The following VRK1 variants were observed in gnomAD, a reference collection of about 807,000 sequenced individuals.
VRK1 encodes the protein serine/threonine-protein kinase VRK1.
In VRK1, 33 loss-of-function variants were observed where a neutral mutation model predicts 57.1. That is an observed-to-expected ratio of 0.58 (90% CI 0.44 to 0.77). The LOEUF (loss-of-function observed/expected upper bound fraction) is 0.77. Among genes scored for constraint, VRK1 ranks in the 30% least tolerant of loss-of-function variants. VRK1 has a pLI of 0.00. For missense variants in VRK1, 413 were observed against 477.3 expected (o/e 0.87, Z 1.25); for synonymous variants, 137 against 147.8 (o/e 0.93, Z 0.53).
intron 5 of VRK1, among the ~76,000 whole-genome samples, chr14:96,847,752 G>A (rs1677195006): frequency 6.6e-6 from 1 of 152,140 alleles, no homozygotes; most frequent in Admixed American, 6.5e-5. Context: ...CAGAAATGTT[G>A]GATACATAAT....
chr14:96,839,591 G>A (rs541529804), intron 3 of VRK1, among the ~76,000 whole-genome samples: 16 of 152,254 alleles, frequency 1.1e-4, no homozygotes, highest in Middle Eastern at 3.4e-3. Context: ...CGTGCTTGTT[G>A]CCTAATGATT....
chr14:96,845,828 T>A (rs1048325696), intron 3 of VRK1, among the ~76,000 whole-genome samples: 2 of 152,220 alleles, frequency 1.3e-5, no homozygotes, highest in Non-Finnish European at 2.9e-5. Flanking sequence ...TAAACATTTT[T>A]CTTAAACTTC....
At chr14:96,877,791 T>C (rs944388461) in intron 12 of VRK1, 53 of 573,768 alleles carry the variant, frequency 9.2e-5, no homozygotes, top group Admixed American at 1.3e-4. Flanking sequence ...ACCTGAACTT[T>C]GCTTAATGAG....
At chr14:96,853,697 G>A (rs1566708457) in intron 7 of VRK1, among the ~76,000 whole-genome samples, 1 of 151,854 alleles carries the variant, frequency 6.6e-6, no homozygotes, top group East Asian at 1.9e-4. Context: ...TACTTTCTAA[G>A]GAAAGGAGAA....
intron 1 of VRK1, among the ~76,000 whole-genome samples, chr14:96,824,578 T>C (rs1886727132): frequency 6.6e-6 from 1 of 151,974 alleles, no homozygotes; most frequent in Admixed American, 6.6e-5. Context: ...TACAGACGAT[T>C]ATTGAAATGG....
chr14:96,872,245 A>G (rs1256078510), intron 11 of VRK1, among the ~76,000 whole-genome samples: 2 of 152,198 alleles, frequency 1.3e-5, no homozygotes, highest in African/African-American at 2.4e-5. Flanking sequence ...TAAAACATAT[A>G]TGTAATTAAT....
At chr14:96,801,646 T>G (rs1315755638) in intron 1 of VRK1, among the ~76,000 whole-genome samples, 2 of 152,202 alleles carry the variant, frequency 1.3e-5, no homozygotes, top group African/African-American at 4.8e-5. Context: ...GCTTAACCAC[T>G]CATAGCCTGT....
intron 1 of VRK1, among the ~76,000 whole-genome samples, chr14:96,820,886 A>G (rs894327645): frequency 3.3e-5 from 5 of 152,180 alleles, no homozygotes; most frequent in African/African-American, 9.7e-5. Flanking sequence ...ATTTCCTAGC[A>G]TTCACTGCAA....
At chr14:96,836,817 T>C (rs2139756674) in intron 2 of VRK1, among the ~76,000 whole-genome samples, 1 of 152,146 alleles carries the variant, frequency 6.6e-6, no homozygotes, top group Middle Eastern at 3.4e-3. Flanking sequence ...GTGTGAGCCA[T>C]TGTGCTCAGT....
intron 1 of VRK1, among the ~76,000 whole-genome samples, chr14:96,825,869 A>G (rs1380102889): frequency 1.3e-5 from 2 of 152,172 alleles, no homozygotes; most frequent in African/African-American, 2.4e-5. Context: ...ATGACCCCCT[A>G]AAGGAGTTTA....
At chr14:96,817,064 G>T (rs1886421841) in intron 1 of VRK1, among the ~76,000 whole-genome samples, 1 of 152,188 alleles carries the variant, frequency 6.6e-6, no homozygotes, top group African/African-American at 2.4e-5. Context: ...CTTGGAAGGG[G>T]TTAGTAGAAA....
intron 1 of VRK1, among the ~76,000 whole-genome samples, chr14:96,825,152 T>G (rs1886752682): frequency 6.6e-6 from 1 of 152,070 alleles, no homozygotes; most frequent in Non-Finnish European, 1.5e-5. Flanking sequence ...TCTTTCAATG[T>G]GATAGGAGAG....
Position 96,824,208 on chromosome 14 carries a change from A to G in VRK1, c.-5-9259A>G, listed in dbSNP as rs187591461. On this transcript the variant is annotated intron_variant, in intron 1 of 12. Transcript: ENST00000216639. The stretch of plus-strand genomic sequence containing the variant: ...GTAGGTGGTCTGCTTTTTTAACATG[A>G]TAAAACCCTGGAAAACTGTATATGA... 7.2e-4 allele frequency among the ~76,000 whole-genome samples: 109 copies of G among 152,302 alleles called. 1 individual carries two copies. The highest frequency in any genetic ancestry group is 2.5e-3 in the African/African-American group (104 of 41,562).
rs1308731478 is a variant in VRK1, at chr14:96,837,751, T to G, written c.161-11T>G. 1 of 1,547,814 alleles carries G rather than the reference T, an allele frequency of 6.5e-7. No individual in the cohort carries two copies. The highest frequency in any genetic ancestry group is 1.8e-5 in the Admixed American group (1 of 54,908). On this transcript the variant is annotated splice_polypyrimidine_tract_variant and intron_variant, in intron 2 of 12. Transcript: ENST00000216639. ...TTGTTCTGATATCAAATATTTTACT[T>G]TTTTAAACAGCTGATATGAATTCTT...
At chr14:96,864,880 C>T (rs1208276814) in intron 11 of VRK1, among the ~76,000 whole-genome samples, 1 of 148,936 alleles carries the variant, frequency 6.7e-6, no homozygotes, top group Non-Finnish European at 1.5e-5. Flanking sequence ...CTTGATAATC[C>T]TTTTTTTTTG....
Position 96,839,922 on chromosome 14 carries a change from C to A in VRK1, c.216+2105C>A, listed in dbSNP as rs900463049. On this transcript the variant is annotated intron_variant, in intron 3 of 12. Coordinates refer to ENST00000216639, the MANE Select transcript of VRK1 (RefSeq NM_003384.3). The stretch of plus-strand genomic sequence containing the variant: ...ACATTGATTGATATTTGAGTGTTGA[C>A]CGAACTTTGTATTCTTAACATACAC... 3.3e-5 allele frequency among the ~76,000 whole-genome samples: 5 copies of A among 152,256 alleles called. No individual in the cohort carries two copies. The East Asian group carries it at 9.6e-4, about 29-fold the overall frequency.
At chr14:96,804,882 A>T (rs1409632335) in intron 1 of VRK1, among the ~76,000 whole-genome samples, 3 of 152,226 alleles carry the variant, frequency 2.0e-5, no homozygotes, top group Admixed American at 6.5e-5. Context: ...TGCTGTCCTC[A>T]GTGATGGATA....
At chr14:96,876,776 C>CAAAAAAAAAA (rs5810784) in intron 12 of VRK1, among the ~76,000 whole-genome samples, 1 of 126,750 alleles carries the variant, frequency 7.9e-6, no homozygotes, top group Non-Finnish European at 1.7e-5. Flanking sequence ...GTTCTTGAAG[C>CAAAAAAAAAA]AAAAAAAAAA....
intron 10 of VRK1, among the ~76,000 whole-genome samples, chr14:96,858,152 C>G (rs1365448438): frequency 1.3e-5 from 2 of 152,108 alleles, no homozygotes; most frequent in African/African-American, 2.4e-5. Flanking sequence ...TCACTGCAGC[C>G]TTGACCTCCT....
Sources: allele counts gnomAD v4.1 joint callset (sites outside exome capture counted in the v4.1 genomes callset), GRCh38; gene constraint gnomAD v4.1.1; transcripts MANE v1.5; gene names NCBI Gene and HGNC (gene_info 2026-07-23, HGNC 2026-07-21).